Variants in LDAH observed in about 807,000 individuals in gnomAD.
LDAH encodes lipid droplet associated hydrolase.
Under a neutral mutation model 29.6 loss-of-function variants are expected in LDAH, and 26 were observed. The ratio of observed to expected loss-of-function variants is 0.88; its 90% CI spans 0.64 to 1.22. The LOEUF (loss-of-function observed/expected upper bound fraction) is 1.22. LDAH is among the 50% of genes most tolerant of loss of function. The probability of loss-of-function intolerance (pLI) is 0.00; values close to 1 mark genes in which losing one functional copy is unlikely to be tolerated. For missense variants in LDAH, 344 were observed against 387.3 expected (o/e 0.89, Z 0.94); for synonymous variants, 117 against 133.0 (o/e 0.88, Z 0.83).
At chr2:20,712,296 T>C (rs890564247) in intron 5 of LDAH, among the ~76,000 whole-genome samples, 2 of 151,648 alleles carry the variant, frequency 1.3e-5, no homozygotes, top group African/African-American at 4.9e-5. Context: ...CTGAGAGACC[T>C]GACTGTTAGA....
downstream of LDAH, among the ~76,000 whole-genome samples, chr2:20,682,983 A>G (rs951801053): frequency 6.6e-6 from 1 of 152,216 alleles, no homozygotes; most frequent in African/African-American, 2.4e-5. Context: ...CAAACCACCT[A>G]TCCAAGTTCT....
At chr2:20,703,708 C>T (rs1664120943) in intron 5 of LDAH, among the ~76,000 whole-genome samples, 1 of 152,162 alleles carries the variant, frequency 6.6e-6, no homozygotes, top group Non-Finnish European at 1.5e-5. Flanking sequence ...CTTTCCAGGA[C>T]CCTGAGACCT....
intron 4 of LDAH, among the ~76,000 whole-genome samples, chr2:20,741,020 C>T (rs1161498379): frequency 6.6e-6 from 1 of 152,142 alleles, no homozygotes; most frequent in African/African-American, 2.4e-5. Context: ...TCTTTGATGC[C>T]ATATGATGTG....
intron 1 of LDAH, among the ~76,000 whole-genome samples, chr2:20,812,416 T>C (rs1422442230): frequency 2.0e-5 from 3 of 152,210 alleles, no homozygotes; most frequent in African/African-American, 4.8e-5. Context: ...ACTTCTCAAG[T>C]TCCTGTCAAG....
Position 20,759,818 on chromosome 2 carries a change from C to T in LDAH, c.468+14992G>A, listed in dbSNP as rs140377769. Among the ~76,000 whole-genome samples, 4 of 152,276 alleles carry T rather than the reference C, an allele frequency of 2.6e-5. No individual in the cohort carries two copies. The East Asian group carries it at 7.7e-4, about 29-fold the overall frequency. ...CTTCAGTGTGGCCAGGTACAAGCGA[C>T]ATTTTTCAGACCTATATCCACACAA... On this transcript the variant is annotated intron_variant, in intron 4 of 6. Transcript: ENST00000237822.
intron 5 of LDAH, among the ~76,000 whole-genome samples, chr2:20,710,092 T>C (rs1049937879): frequency 6.6e-6 from 1 of 152,118 alleles, no homozygotes; most frequent in East Asian, 1.9e-4. Flanking sequence ...ATTAATGAAA[T>C]TGAAGCCAAT....
At chr2:20,688,314 A>C (rs1662716257) in intron 6 of LDAH, among the ~76,000 whole-genome samples, 1 of 152,172 alleles carries the variant, frequency 6.6e-6, no homozygotes, top group Non-Finnish European at 1.5e-5. Flanking sequence ...AGAGCATGGC[A>C]TGTGTGGGGA....
At chr2:20,738,550 G>GCCCCT (rs1666965457) in intron 5 of LDAH, among the ~76,000 whole-genome samples, 2 of 151,906 alleles carry the variant, frequency 1.3e-5, no homozygotes, top group Non-Finnish European at 2.9e-5. Flanking sequence ...CCTCTCTTAG[G>GCCCCT]GTCTGGATCG....
At chr2:20,758,760 G>A (rs577475187) in intron 4 of LDAH, among the ~76,000 whole-genome samples, 1 of 152,224 alleles carries the variant, frequency 6.6e-6, no homozygotes, top group African/African-American at 2.4e-5. Context: ...GTGGGACAAA[G>A]CAGAAAGGAA....
chr2:20,707,607 AC>A (rs889682097), intron 5 of LDAH, among the ~76,000 whole-genome samples: 49 of 152,244 alleles, frequency 3.2e-4, no homozygotes, highest in African/African-American at 1.1e-3. Context: ...TGCAGAGGGG[AC>A]CCCCTGAATT....
chr2:20,805,959 A>T (rs1672040814), intron 1 of LDAH, among the ~76,000 whole-genome samples: 1 of 152,028 alleles, frequency 6.6e-6, no homozygotes, highest in Admixed American at 6.6e-5. Flanking sequence ...CTAATAAATA[A>T]AATATTTGAA....
At chr2:20,697,364 T>C (rs1663568502) in intron 6 of LDAH, among the ~76,000 whole-genome samples, 1 of 152,226 alleles carries the variant, frequency 6.6e-6, no homozygotes, top group Non-Finnish European at 1.5e-5. Flanking sequence ...TTATAAAAGC[T>C]TTGTAAACAG....
intron 4 of LDAH, among the ~76,000 whole-genome samples, chr2:20,749,772 G>A (rs1212805662): frequency 2.6e-5 from 4 of 152,202 alleles, no homozygotes; most frequent in Non-Finnish European, 5.9e-5. Flanking sequence ...CCAAATGGCT[G>A]AAGTGTATAA....
chr2:20,764,537 C>T (rs1282875231), intron 4 of LDAH, among the ~76,000 whole-genome samples: 1 of 152,222 alleles, frequency 6.6e-6, no homozygotes. Context: ...TCAACAGTCT[C>T]TTTATCTCCT....
Position 20,685,801 on chromosome 2 carries a change from A to G in LDAH, c.*1102T>C. On this transcript the variant is annotated 3_prime_UTR_variant, in exon 7 of 7. Coordinates refer to ENST00000237822, the MANE Select transcript of LDAH (RefSeq NM_021925.4). Reference sequence around the variant, plus strand: ...TATGTGTCTTCTCTGCCATACCTCAATGTGTCTAGAGAAGGTGAATTCACA... The same window carrying G: ...TATGTGTCTTCTCTGCCATACCTCAGTGTGTCTAGAGAAGGTGAATTCACA... 2.0e-6 allele frequency: 2 copies of G among 979,450 alleles called. No individual in the cohort carries two copies. The highest frequency in any genetic ancestry group is 3.6e-5 in the South Asian group (2 of 55,564). The allele number at this position is 979,450 out of a possible 1,614,324, so 60.7% of individuals were successfully genotyped here.
intron 4 of LDAH, among the ~76,000 whole-genome samples, chr2:20,759,349 C>A (rs183911759): frequency 1.3e-4 from 20 of 152,270 alleles, no homozygotes; most frequent in African/African-American, 4.8e-4. Context: ...TGCTTCTTCC[C>A]AAACAAATAC....
intron 1 of LDAH, among the ~76,000 whole-genome samples, chr2:20,819,361 T>C (rs1673083161): frequency 6.6e-6 from 1 of 152,208 alleles, no homozygotes; most frequent in Non-Finnish European, 1.5e-5. Flanking sequence ...GAGGTATACT[T>C]AAAGTGACTT....
chr2:20,732,127 G>A (rs112142730), intron 5 of LDAH, among the ~76,000 whole-genome samples: 5,058 of 151,868 alleles, frequency 0.033, 261 homozygotes, highest in African/African-American at 0.11. Flanking sequence ...TCCCTGCATC[G>A]GTTGATAGAA....
intron 2 of LDAH, among the ~76,000 whole-genome samples, chr2:20,790,642 C>T (rs1432559316): frequency 6.6e-6 from 1 of 152,106 alleles, no homozygotes; most frequent in East Asian, 1.9e-4. Flanking sequence ...GCATATAAGG[C>T]ACTTCAAGAT....
Sources: gnomAD v4.1 joint callset for allele counts (sites outside exome capture counted in the v4.1 genomes callset) on GRCh38, gnomAD v4.1.1 for gene constraint, MANE v1.5 for transcripts, NCBI Gene and HGNC (gene_info 2026-07-23, HGNC 2026-07-21) for gene names.